The following CHERP variants were observed in gnomAD, a reference collection of about 807,000 sequenced individuals.
The protein encoded by CHERP is calcium homeostasis endoplasmic reticulum protein.
A neutral mutation model predicts 113.8 loss-of-function variants in CHERP; 8 were observed. The observed-to-expected ratio is 0.07, with a 90% CI of 0.04 to 0.13. CHERP has a LOEUF of 0.13. CHERP is among the 10% of genes least tolerant of loss of function. The pLI is 1.00. For synonymous variants in CHERP, 559 were observed against 524.5 expected (o/e 1.07, Z -0.90); for missense variants, 884 against 1,298.2 (o/e 0.68, Z 4.90).
At chr19:16,537,155 C>T (rs1362649828) in intron 2 of CHERP, among the ~76,000 whole-genome samples, 1 of 151,942 alleles carries the variant, frequency 6.6e-6, no homozygotes, top group Non-Finnish European at 1.5e-5. Flanking sequence ...AGCCTGGTGC[C>T]TGCTTGCCAC....
At chr19:16,537,691 C>T (rs1214898986) in intron 2 of CHERP, among the ~76,000 whole-genome samples, 1 of 152,046 alleles carries the variant, frequency 6.6e-6, no homozygotes, top group Non-Finnish European at 1.5e-5. Flanking sequence ...TCCCCGCTGT[C>T]ACCACCATGG....
chr19:16,534,149 G>A (rs1323354465), intron 3 of CHERP, among the ~76,000 whole-genome samples: 1 of 151,876 alleles, frequency 6.6e-6, no homozygotes, highest in Non-Finnish European at 1.5e-5. Flanking sequence ...CACTTCCCGG[G>A]TTCAAGCAAT....
At chr19:16,522,629 C>T (rs923072603) in intron 11 of CHERP, among the ~76,000 whole-genome samples, 9 of 152,154 alleles carry the variant, frequency 5.9e-5, no homozygotes, top group Non-Finnish European at 1.0e-4. Flanking sequence ...CAGCTGCTGC[C>T]AGCCCTGCCC....
Position 16,532,892 on chromosome 19 carries a change from T to TC in CHERP, c.522+118dup. Reference sequence around the variant, plus strand: ...CACAGGGTCCCACAGCCTCAGGAGCTCCAGGCGGGAGGGAAGGGCACCCAT... The same window carrying TC: ...CACAGGGTCCCACAGCCTCAGGAGCTCCCAGGCGGGAGGGAAGGGCACCCAT... On this transcript the variant is annotated intron_variant, in intron 4 of 16. Transcript: ENST00000546361. The surrounding 1 kb of genome is among the most constrained non-coding windows in gnomAD (Gnocchi z 4.4). 8 of 1,513,980 alleles carry TC rather than the reference T, an allele frequency of 5.3e-6. No homozygotes were observed. Among genetic ancestry groups the TC allele is most frequent in the Non-Finnish European group, 7.1e-6 (8 of 1,123,902 alleles). The allele number at this position is 1,513,980 out of a possible 1,614,324, so 93.8% of individuals were successfully genotyped here. A position where few individuals can be genotyped will look rare whatever the true frequency, so the allele number is the denominator to read the frequency against.
In CHERP at chr19:16,519,606, A is replaced by G. The variant is rs750106600; in HGVS notation, c.2557+15T>C. ...TGAGGACCCATCCCGCGCCCTCCCC[A>G]TTCCCTCGCCTTACCCATCTTCACC... On this transcript the variant is annotated intron_variant, in intron 16 of 16. Transcript: ENST00000546361. The surrounding 1 kb of genome is among the most constrained non-coding windows in gnomAD (Gnocchi z 6.0). 6 of 1,611,498 alleles carry G rather than the reference A, an allele frequency of 3.7e-6. No individual in the cohort carries two copies. The Admixed American group carries it at 8.3e-5, about 22-fold the overall frequency.
chr19:16,527,176 G>A (rs1318844815), intron 9 of CHERP, among the ~76,000 whole-genome samples: 1 of 152,186 alleles, frequency 6.6e-6, no homozygotes, highest in Non-Finnish European at 1.5e-5. Context: ...CAAAAAGACT[G>A]AGCCTGGAGA....
Position 16,520,584 on chromosome 19 carries a change from G to A in CHERP, c.2202-77C>T. On this transcript the variant is annotated intron_variant, in intron 13 of 16. Coordinates refer to ENST00000546361, the MANE Select transcript of CHERP (RefSeq NM_006387.6). This position sits in a 1 kb window ranked among gnomAD's most constrained non-coding sequence, Gnocchi z 4.0. Reference sequence around the variant, plus strand: ...GCCCACCCTGGCCCTCAGGTTCCTAGACCACCCCAGATGCAGGGGCTCTGG... The same window carrying A: ...GCCCACCCTGGCCCTCAGGTTCCTAAACCACCCCAGATGCAGGGGCTCTGG... 2 of 1,503,168 alleles carry A rather than the reference G, an allele frequency of 1.3e-6. No homozygotes were observed. Among genetic ancestry groups the A allele is most frequent in the Non-Finnish European group, 1.8e-6 (2 of 1,105,194 alleles). The allele number at this position is 1,503,168 out of a possible 1,614,324, so 93.1% of individuals were successfully genotyped here. A position where few individuals can be genotyped will look rare whatever the true frequency, so the allele number is the denominator to read the frequency against.
Position 16,528,113 on chromosome 19 carries a change from C to G in CHERP, c.1272G>C (p.Gln424His). 4 of 1,613,704 alleles carry G rather than the reference C, an allele frequency of 2.5e-6. No homozygotes were observed. Among genetic ancestry groups the G allele is most frequent in the Non-Finnish European group, 8.5e-7 (1 of 1,179,980 alleles). The change falls in exon 9 of 17, where the codon CAG (glutamine) becomes CAC (histidine). Residue 424 changes from glutamine to histidine, a missense_variant. This residue lies in a region of CHERP where 464 missense variants were observed against 590.1 expected (regional missense o/e 0.79). Transcript: ENST00000546361. ...IPPNKPPWFD[Q>H]PHPVAPWGQQ... ...GGCCCCAAGGAGCCACGGGGTGAGG[C>G]TGGTCAAACCAAGGGGGCTTGTTTG... is the stretch of plus-strand genomic sequence containing the variant.
At chr19:16,541,675 G>T (rs1161151913) in intron 2 of CHERP, 195 bp downstream of exon 2, 3 of 540,616 alleles carry the variant, frequency 5.5e-6, no homozygotes, top group African/African-American at 3.9e-5. Flanking sequence ...AAACCTCGTT[G>T]TTCTCCATTA....
At position 16,520,111 on chromosome 19, in the gene CHERP, C is replaced by T; in HGVS notation, c.2462+38G>A. The T allele has an allele frequency of 6.3e-7, 1 of 1,590,660 alleles. No homozygotes were observed. The highest frequency in any genetic ancestry group is 8.6e-7 in the Non-Finnish European group (1 of 1,161,930). On this transcript the variant is annotated intron_variant, in intron 15 of 16. Coordinates refer to ENST00000546361, the MANE Select transcript of CHERP (RefSeq NM_006387.6). The surrounding 1 kb of genome is among the most constrained non-coding windows in gnomAD (Gnocchi z 4.0). ...ATTCACAGCAAAGCACCGCAGCTTCCCAGAGTTACCAGCGCAGCACTTAAG... is the reference window on the plus strand; with the variant it reads ...ATTCACAGCAAAGCACCGCAGCTTCTCAGAGTTACCAGCGCAGCACTTAAG...
chr19:16,519,106 A>G lies in CHERP; in HGVS notation c.*53T>C. 6.6e-7 allele frequency: 1 copy of G among 1,510,426 alleles called. No individual in the cohort carries two copies. The highest frequency in any genetic ancestry group is 9.0e-7 in the Non-Finnish European group (1 of 1,105,786). The allele number at this position is 1,510,426 out of a possible 1,614,324, so 93.6% of individuals were successfully genotyped here. On this transcript the variant is annotated 3_prime_UTR_variant, in exon 17 of 17. Coordinates refer to ENST00000546361, the MANE Select transcript of CHERP (RefSeq NM_006387.6). This position sits in a 1 kb window ranked among gnomAD's most constrained non-coding sequence, Gnocchi z 6.0. ...AATCTTCCTCTGCCAGTCAGCCAGG[A>G]AGGTCCCACAGCCGGCACCGCTGGC...
intron 1 of CHERP, 119 bp from the exon 2 acceptor site, chr19:16,542,162 G>A (rs1258814387): frequency 3.2e-6 from 4 of 1,246,794 alleles, no homozygotes; most frequent in South Asian, 3.1e-5. Flanking sequence ...GCCCCGAAGA[G>A]GCCGCCCTTG....
chr19:16,521,468 C>G, intron 12 of CHERP, 53 bp downstream of exon 12: 2 of 1,470,800 alleles, frequency 1.4e-6, no homozygotes, highest in Non-Finnish European at 1.8e-6. Context: ...TTGCAGGGAG[C>G]CGGGAGAGGG....
Position 16,520,997 on chromosome 19 carries a change from G to A in CHERP, c.2115-85C>T. The A allele has an allele frequency of 1.7e-6, 2 of 1,160,860 alleles. No individual in the cohort carries two copies. The highest frequency in any genetic ancestry group is 1.5e-5 in the African/African-American group (1 of 66,342). The allele number at this position is 1,160,860 out of a possible 1,614,324, so 71.9% of individuals were successfully genotyped here. A position where few individuals can be genotyped will look rare whatever the true frequency, so the allele number is the denominator to read the frequency against. On this transcript the variant is annotated intron_variant, in intron 12 of 16. Transcript: ENST00000546361. This position sits in a 1 kb window ranked among gnomAD's most constrained non-coding sequence, Gnocchi z 4.0. ...AAAAGTCATCAGGAGTTAATCCACAGAACCTTGGAGAGTACATGGCCCTGT... is the reference window on the plus strand; with the variant it reads ...AAAAGTCATCAGGAGTTAATCCACAAAACCTTGGAGAGTACATGGCCCTGT...
chr19:16,529,102 A>G (rs374884604), intron 8 of CHERP, among the ~76,000 whole-genome samples: 12 of 152,292 alleles, frequency 7.9e-5, no homozygotes, highest in African/African-American at 2.6e-4. Flanking sequence ...GTGTAAATGC[A>G]GCTCACTGCA....
Position 16,532,438 on chromosome 19 carries a change from TG to T in CHERP, c.674+159del. The T allele has an allele frequency of 1.2e-6, 1 of 819,168 alleles. No homozygotes were observed. The highest frequency in any genetic ancestry group is 1.9e-6 in the Non-Finnish European group (1 of 538,856). The allele number at this position is 819,168 out of a possible 1,614,324, so 50.7% of individuals were successfully genotyped here. A position where few individuals can be genotyped will look rare whatever the true frequency, so the allele number is the denominator to read the frequency against. On this transcript the variant is annotated intron_variant, in intron 5 of 16. Coordinates refer to ENST00000546361, the MANE Select transcript of CHERP (RefSeq NM_006387.6). The surrounding 1 kb of genome is among the most constrained non-coding windows in gnomAD (Gnocchi z 4.4). ...CCTCGCAGTCCTGGAGACAGAAGCC[TG>T]GTGGCTCACAGAGACCCCCCACCCG...
chr19:16,521,404 G>C, intron 12 of CHERP, 117 bp downstream of exon 12: 1 of 899,368 alleles, frequency 1.1e-6, no homozygotes, highest in Non-Finnish European at 1.6e-6. Flanking sequence ...GGCGGGGGGA[G>C]GGCAGTTTCT....
chr19:16,519,675 G>C lies in CHERP; in HGVS notation c.2503C>G (p.Pro835Ala). Residue 835 changes from proline to alanine, a missense_variant, in exon 16 of 17, where the codon CCT (proline) becomes GCT (alanine). Around this residue, in one of 8 missense-constraint regions of CHERP, gnomAD observed 159 missense variants for 185.8 expected, o/e 0.86. Transcript: ENST00000546361. This position sits in a 1 kb window ranked among gnomAD's most constrained non-coding sequence, Gnocchi z 6.0. ...GLGSNSAPPI[P>A]DSRLGEENKG... Reference sequence around the variant, plus strand: ...TTCTCTTCTCCGAGCCTTGAGTCAGGGATGGGAGGCGCCGAATTAGAACCC... The same window carrying C: ...TTCTCTTCTCCGAGCCTTGAGTCAGCGATGGGAGGCGCCGAATTAGAACCC... 6.2e-7 allele frequency: 1 copy of C among 1,614,018 alleles called. No homozygotes were observed. Among genetic ancestry groups the C allele is most frequent in the Non-Finnish European group, 8.5e-7 (1 of 1,179,952 alleles).
In CHERP at chr19:16,523,627, G is replaced by A; in HGVS notation, c.1742-337C>T. Among the ~76,000 whole-genome samples the A allele has an allele frequency of 6.6e-6, 1 of 152,132 alleles. No homozygotes were observed. The highest frequency in any genetic ancestry group is 1.5e-5 in the Non-Finnish European group (1 of 68,042). Reference sequence around the variant, plus strand: ...GTAGCTCAGGACGGAACTGTATTTGGAGACAGAGCCTTCAAAGACACAAAT... The same window carrying A: ...GTAGCTCAGGACGGAACTGTATTTGAAGACAGAGCCTTCAAAGACACAAAT... On this transcript the variant is annotated intron_variant, in intron 10 of 16. Transcript: ENST00000546361. The surrounding 1 kb of genome is among the most constrained non-coding windows in gnomAD (Gnocchi z 4.0).
Sources: allele counts gnomAD v4.1 joint callset (sites outside exome capture counted in the v4.1 genomes callset), GRCh38; gene constraint gnomAD v4.1.1; regional missense constraint gnomAD v4.1.1; non-coding constraint Gnocchi (gnomAD v3.1); transcripts MANE v1.5; gene names NCBI Gene and HGNC (gene_info 2026-07-23, HGNC 2026-07-21).